POLR3E: variants seen among roughly 807,000 people sequenced by gnomAD.
POLR3E encodes the protein RNA polymerase III subunit E.
In POLR3E, 41 loss-of-function variants were observed where a neutral mutation model predicts 96.6. That is an observed-to-expected ratio of 0.42 (90% CI 0.33 to 0.55). POLR3E has a LOEUF of 0.55. Ranked by LOEUF, POLR3E falls within the 20% of genes least tolerant of loss-of-function variation. POLR3E has a pLI of 0.06. For synonymous variants in POLR3E, 396 were observed against 383.6 expected, an observed-to-expected ratio of 1.03 and a Z score of -0.38; for missense variants, 849 against 952.1, an observed-to-expected ratio of 0.89 and a Z score of 1.43.
chr16:22,297,912 C>T (rs2047929489), intron 1 of POLR3E, among the ~76,000 whole-genome samples: 1 of 152,232 alleles, frequency 6.6e-6, no homozygotes, highest in South Asian at 2.1e-4. Context: ...GGGGCCTGAC[C>T]ACCCGCGAGG....
chr16:22,333,621 C>T lies in POLR3E; in HGVS notation c.2071-23C>T, dbSNP rs370431452. ...GCTCCTTTTCCTGCAAAAATCTGTG[C>T]TTACCCTGTTTCTCTCTCATAGGAC... On this transcript the variant is annotated intron_variant, in intron 20 of 20. Coordinates refer to ENST00000299853, the MANE Select transcript of POLR3E (RefSeq NM_018119.4). 3.2e-6 allele frequency: 5 copies of T among 1,582,734 alleles called. No individual in the cohort carries two copies. In the African/African-American group the frequency reaches 5.4e-5, roughly 17 times the overall value.
At chr16:22,305,108 C>T (rs201316018) in intron 2 of POLR3E, 48 bp from the exon 3 acceptor site, 2 of 1,497,206 alleles carry the variant, frequency 1.3e-6, no homozygotes, top group Non-Finnish European at 1.9e-6. Flanking sequence ...CCGGGGAGGT[C>T]AGCACTGTGT....
intron 3 of POLR3E, among the ~76,000 whole-genome samples, chr16:22,306,946 C>T (rs2048145821): frequency 6.6e-6 from 1 of 152,236 alleles, no homozygotes; most frequent in African/African-American, 2.4e-5. Context: ...AGGGCCTGGC[C>T]TCCACTCCCT....
intron 1 of POLR3E, among the ~76,000 whole-genome samples, chr16:22,301,448 G>T (rs1264067209): frequency 2.0e-5 from 3 of 152,188 alleles, no homozygotes; most frequent in Non-Finnish European, 2.9e-5. Flanking sequence ...TGAGCGGATG[G>T]TGCATGCCAA....
intron 14 of POLR3E, among the ~76,000 whole-genome samples, chr16:22,323,261 C>G (rs966455916): frequency 6.6e-6 from 1 of 152,154 alleles, no homozygotes; most frequent in Non-Finnish European, 1.5e-5. Flanking sequence ...AGACAGATGT[C>G]TAGCTGTCAA....
rs17719183 is a variant in POLR3E, at chr16:22,320,159, C to T, written c.986+1213C>T. Among the ~76,000 whole-genome samples, 1,163 of 152,294 alleles carry T rather than the reference C, an allele frequency of 7.6e-3. 5 individuals carry two copies. The highest frequency in any genetic ancestry group is 0.013 in the Non-Finnish European group (882 of 68,026). ...TTATATCTATCCTCATACTTACACACTGCTAGATTGGTATATATATATTTT... is the reference window on the plus strand; with the variant it reads ...TTATATCTATCCTCATACTTACACATTGCTAGATTGGTATATATATATTTT... On this transcript the variant is annotated intron_variant, in intron 13 of 20. Transcript: ENST00000299853.
chr16:22,317,652 T>C (rs1019940938), intron 12 of POLR3E, among the ~76,000 whole-genome samples: 2 of 150,728 alleles, frequency 1.3e-5, no homozygotes, highest in African/African-American at 4.9e-5. Flanking sequence ...TTGTTGTTGT[T>C]GTTGTTGTTG....
intron 18 of POLR3E, chr16:22,326,659 T>G: frequency 3.0e-6 from 1 of 328,646 alleles, no homozygotes. Flanking sequence ...TGATCTTCTT[T>G]GCAATCTGCA....
intron 1 of POLR3E, among the ~76,000 whole-genome samples, chr16:22,298,225 C>T: frequency 6.6e-6 from 1 of 151,830 alleles, no homozygotes; most frequent in East Asian, 1.9e-4. Flanking sequence ...GAGATCTTAG[C>T]GATCTCCACA....
At chr16:22,312,883 A>G (rs2048275655) in intron 6 of POLR3E, among the ~76,000 whole-genome samples, 1 of 151,660 alleles carries the variant, frequency 6.6e-6, no homozygotes, top group Admixed American at 6.6e-5. Context: ...CAAAAAAAAA[A>G]AAAAAAAAAA....
chr16:22,309,400 T>C, intron 5 of POLR3E, 28 bp from the exon 6 acceptor site: 2 of 1,559,302 alleles, frequency 1.3e-6, no homozygotes, highest in Non-Finnish European at 1.8e-6. Context: ...TGCCTTCCCC[T>C]GTGACGTTGC....
At chr16:22,299,665 C>T (rs2047980589) in intron 1 of POLR3E, among the ~76,000 whole-genome samples, 2 of 152,046 alleles carry the variant, frequency 1.3e-5, no homozygotes, top group Non-Finnish European at 2.9e-5. Flanking sequence ...CCGCCTGCCT[C>T]GGCCTCCCAA....
intron 2 of POLR3E, among the ~76,000 whole-genome samples, chr16:22,303,443 A>G (rs2048068051): frequency 6.6e-6 from 1 of 152,116 alleles, no homozygotes; most frequent in South Asian, 2.1e-4. Flanking sequence ...GAATGAATAA[A>G]TGGGCTCAGC....
chr16:22,309,066 C>T lies in POLR3E; in HGVS notation c.281+26C>T, dbSNP rs199831089. 2.4e-5 allele frequency: 36 copies of T among 1,528,916 alleles called. No individual in the cohort carries two copies. The East Asian group carries it at 2.7e-4, about 11-fold the overall frequency. 94.7% of individuals were successfully genotyped at this position (1,528,916 alleles called of 1,614,324 possible). On this transcript the variant is annotated intron_variant, in intron 5 of 20. Transcript: ENST00000299853. ...GTGAGTTTCCGGCCCCAAGCCTGTC[C>T]GGTTTCCCTGCGTTCACACAGGAGC... is the stretch of plus-strand genomic sequence containing the variant.
In POLR3E at chr16:22,326,220, C is replaced by A; in HGVS notation, c.1808C>A (p.Ser603Ter). ...PPGHTLFSGI[S>*]DRMLQDTVLA... ...GGCCACACACTCTTCAGCGGCATCTCGGACCGCATGCTACAGGACACGGTG... is the reference window on the plus strand; with the variant it reads ...GGCCACACACTCTTCAGCGGCATCTAGGACCGCATGCTACAGGACACGGTG... Residue 603 changes from serine to a stop codon, truncating the protein, a stop_gained, in exon 18 of 21, where the codon TCG becomes TAG. Transcript: ENST00000299853. LOFTEE classifies it high-confidence loss of function. 6.2e-7 allele frequency: 1 copy of A among 1,613,376 alleles called. No individual in the cohort carries two copies. Among genetic ancestry groups the A allele is most frequent in the South Asian group, 1.1e-5 (1 of 91,032 alleles).
intron 18 of POLR3E, 35 bp downstream of exon 18, chr16:22,326,313 G>A (rs1441730161): frequency 6.5e-6 from 3 of 464,006 alleles, no homozygotes; most frequent in South Asian, 1.6e-5. Flanking sequence ...GGCATGGGGG[G>A]TGGGGGGTGG....
chr16:22,299,108 G>C (rs142630131), intron 1 of POLR3E: 18,209 of 452,108 alleles, frequency 0.04, 442 homozygotes, highest in Non-Finnish European at 0.053. Flanking sequence ...GAGGAGGCTG[G>C]GGGAGGCTTT....
At position 22,309,493 on chromosome 16, in the gene POLR3E, C is replaced by T. The variant is rs71378445; in HGVS notation, c.347C>T (p.Ala116Val). Residue 116 changes from alanine to valine, a missense_variant, in exon 6 of 21, where the codon GCT (alanine) becomes GTT (valine). Coordinates refer to ENST00000299853, the MANE Select transcript of POLR3E (RefSeq NM_018119.4). ...QTTSNTSRYA[A>V]ALYRQGELHL... Reference sequence around the variant, plus strand: ...ACCAGTAACACATCCCGTTATGCCGCTGCACTCTACAGGCAAGGTACCCGG... The same window carrying T: ...ACCAGTAACACATCCCGTTATGCCGTTGCACTCTACAGGCAAGGTACCCGG... 1 of 1,613,442 alleles carries T rather than the reference C, an allele frequency of 6.2e-7. No homozygotes were observed. The highest frequency in any genetic ancestry group is 8.5e-7 in the Non-Finnish European group (1 of 1,179,516).
chr16:22,331,804 C>T, intron 19 of POLR3E: 2 of 367,402 alleles, frequency 5.4e-6, no homozygotes, highest in South Asian at 2.8e-5. Context: ...GTTATGCTGG[C>T]ATATACCTTT....
Sources: gnomAD v4.1 joint callset for allele counts (sites outside exome capture counted in the v4.1 genomes callset) on GRCh38, gnomAD v4.1.1 for gene constraint, MANE v1.5 for transcripts, NCBI Gene and HGNC (gene_info 2026-07-23, HGNC 2026-07-21) for gene names.